Variants in EXOC6 observed in about 807,000 individuals in gnomAD.
EXOC6 encodes exocyst complex component 6.
A neutral mutation model predicts 112.5 loss-of-function variants in EXOC6; 60 were observed. The observed-to-expected ratio is 0.53, with a 90% CI of 0.43 to 0.66. The LOEUF (loss-of-function observed/expected upper bound fraction) is 0.66. Ranked by LOEUF, EXOC6 falls within the 30% of genes least tolerant of loss-of-function variation. The pLI is 0.00. For synonymous variants in EXOC6, 295 were observed against 308.0 expected (o/e 0.96, Z 0.44); for missense variants, 855 against 957.1 (o/e 0.89, Z 1.41).
intron 1 of EXOC6, among the ~76,000 whole-genome samples, chr10:92,882,589 T>G (rs1174972114): frequency 1.3e-5 from 2 of 151,924 alleles, no homozygotes; most frequent in Non-Finnish European, 2.9e-5. Context: ...CTTTGCTATT[T>G]GTTGTTTAAA....
intron 11 of EXOC6, among the ~76,000 whole-genome samples, chr10:92,935,390 A>G (rs958019086): frequency 6.6e-6 from 1 of 152,004 alleles, no homozygotes; most frequent in East Asian, 1.9e-4. Context: ...AGTAAATCTC[A>G]CTGTCCCTTT....
At chr10:93,042,948 TATTATTA>T (rs754558701) in intron 20 of EXOC6, among the ~76,000 whole-genome samples, 18,892 of 150,292 alleles carry the variant, frequency 0.13, 1,303 homozygotes, top group African/African-American at 0.17. Context: ...TTATTATTAT[TATTATTA>T]TTATTTTTTG....
intron 1 of EXOC6, among the ~76,000 whole-genome samples, chr10:92,882,190 A>G (rs532755276): frequency 3.3e-5 from 5 of 152,300 alleles, no homozygotes. Flanking sequence ...TAACTATAGT[A>G]GAAATATTTT....
chr10:92,837,213 G>A (rs2133577585), intron 1 of EXOC6, among the ~76,000 whole-genome samples: 1 of 151,674 alleles, frequency 6.6e-6, no homozygotes, highest in East Asian at 1.9e-4. Context: ...TCCCCATCTA[G>A]ATGTGAATAT....
At chr10:93,014,346 A>C in intron 20 of EXOC6, 79 bp downstream of exon 20, 3 of 1,075,772 alleles carry the variant, frequency 2.8e-6, no homozygotes, top group South Asian at 1.3e-5. Flanking sequence ...TATTAATGCT[A>C]CAGGAATGCC....
chr10:92,896,093 A>G (rs1267123471), intron 4 of EXOC6, among the ~76,000 whole-genome samples: 6 of 54,890 alleles, frequency 1.1e-4, no homozygotes, highest in Admixed American at 4.6e-4. Flanking sequence ...GTATATATAT[A>G]TGTGTGTATA....
At chr10:92,976,388 A>G (rs1377556868) in intron 18 of EXOC6, among the ~76,000 whole-genome samples, 5 of 152,136 alleles carry the variant, frequency 3.3e-5, no homozygotes, top group Non-Finnish European at 5.9e-5. Context: ...TCTCTGAAAC[A>G]TGTGCTGTGT....
chr10:92,848,346 C>A (rs563468638), upstream of EXOC6: 155 of 209,468 alleles, frequency 7.4e-4, no homozygotes, highest in Middle Eastern at 7.5e-3. Flanking sequence ...TCACAGCCCC[C>A]GCTCACTCCT....
intron 17 of EXOC6, among the ~76,000 whole-genome samples, chr10:92,971,311 T>C (rs565977351): frequency 6.9e-6 from 1 of 144,470 alleles, no homozygotes. Flanking sequence ...CCCAAAGTGC[T>C]GGGATTACAG....
chr10:92,978,530 T>A (rs944915604), intron 18 of EXOC6, among the ~76,000 whole-genome samples: 1 of 152,158 alleles, frequency 6.6e-6, no homozygotes, highest in South Asian at 2.1e-4. Flanking sequence ...TTAGAGTCAA[T>A]AGAGTGATTA....
chr10:92,832,200 A>G (rs569535402), upstream of EXOC6, among the ~76,000 whole-genome samples: 21 of 152,338 alleles, frequency 1.4e-4, no homozygotes, highest in South Asian at 4.4e-3. Flanking sequence ...GGCAGAGGTA[A>G]CTCAGCTAGT....
intron 20 of EXOC6, among the ~76,000 whole-genome samples, chr10:93,045,359 C>G (rs971381681): frequency 3.6e-4 from 55 of 152,268 alleles, no homozygotes; most frequent in African/African-American, 1.3e-3. Context: ...TATTTTAAGT[C>G]ATAACCATTG....
chr10:93,009,029 A>G (rs1376426028), intron 19 of EXOC6, among the ~76,000 whole-genome samples: 1 of 152,090 alleles, frequency 6.6e-6, no homozygotes, highest in Non-Finnish European at 1.5e-5. Flanking sequence ...AGACTGGCCT[A>G]GGCAACATAG....
chr10:92,915,895 G>C lies in EXOC6; in HGVS notation c.801G>C (p.Glu267Asp), dbSNP rs777600626. 6.5e-7 allele frequency: 1 copy of C among 1,539,384 alleles called. No individual in the cohort carries two copies. The highest frequency in any genetic ancestry group is 8.7e-7 in the Non-Finnish European group (1 of 1,154,228). ...ETVLKHSLEEEDENEEEILTV... is the reference protein window; with the variant it reads ...ETVLKHSLEEDDENEEEILTV... Reference sequence around the variant, plus strand: ...TATTGAAACATTCACTTGAAGAAGAGGATGAGAATGAAGAAGAGGTGATAG... The same window carrying C: ...TATTGAAACATTCACTTGAAGAAGACGATGAGAATGAAGAAGAGGTGATAG... Residue 267 changes from glutamate to aspartate, a missense_variant, in exon 7 of 22, where the codon GAG becomes GAC. Transcript: ENST00000260762.
At chr10:93,033,825 A>G (rs1259203070) in intron 20 of EXOC6, among the ~76,000 whole-genome samples, 1 of 152,234 alleles carries the variant, frequency 6.6e-6, no homozygotes, top group Non-Finnish European at 1.5e-5. Flanking sequence ...GAGCCAGACT[A>G]TTGGAGAGAT....
intron 1 of EXOC6, among the ~76,000 whole-genome samples, chr10:92,877,684 G>A (rs1848741125): frequency 6.6e-6 from 1 of 152,190 alleles, no homozygotes; most frequent in South Asian, 2.1e-4. Context: ...GTCAGGGTCA[G>A]TGATGGGAGT....
At chr10:92,909,836 A>G (rs1267205161) in intron 6 of EXOC6, among the ~76,000 whole-genome samples, 1 of 152,174 alleles carries the variant, frequency 6.6e-6, no homozygotes, top group Non-Finnish European at 1.5e-5. Context: ...TCAGTCTAAC[A>G]TGAATTCTTT....
intron 4 of EXOC6, among the ~76,000 whole-genome samples, chr10:92,896,610 CAG>C (rs946474759): frequency 2.0e-5 from 3 of 151,562 alleles, no homozygotes; most frequent in Non-Finnish European, 4.4e-5. Context: ...TTATTTGAGA[CAG>C]AGTCTCACTC....
At chr10:93,047,999 TAA>T (rs1846083929) in intron 20 of EXOC6, among the ~76,000 whole-genome samples, 1 of 152,114 alleles carries the variant, frequency 6.6e-6, no homozygotes. Flanking sequence ...CAAAGCAAAC[TAA>T]ATCCAGATTT....
Sources: gnomAD v4.1 joint callset for allele counts (sites outside exome capture counted in the v4.1 genomes callset) on GRCh38, gnomAD v4.1.1 for gene constraint, MANE v1.5 for transcripts, NCBI Gene and HGNC (gene_info 2026-07-23, HGNC 2026-07-21) for gene names.